The following ZNF710 variants were observed in gnomAD, a reference collection of about 807,000 sequenced individuals.
ZNF710 encodes the protein zinc finger protein 710.
ZNF710 carries 13 observed loss-of-function variants against 50.6 expected under a neutral mutation model. The ratio of observed to expected loss-of-function variants is 0.26; its 90% confidence interval spans 0.17 to 0.41. The LOEUF (loss-of-function observed/expected upper bound fraction) is 0.41, where lower values mean the gene tolerates loss of function less well. Ranked by LOEUF, ZNF710 falls within the 10% of genes least tolerant of loss-of-function variation. The pLI is 1.00. For synonymous variants in ZNF710, 383 were observed against 397.0 expected (o/e 0.96, Z 0.42); for missense variants, 721 against 936.6 (o/e 0.77, Z 3.01).
chr15:90,005,922 G>A (rs950713473), intron 1 of ZNF710, among the ~76,000 whole-genome samples: 1 of 152,142 alleles, frequency 6.6e-6, no homozygotes, highest in Non-Finnish European at 1.5e-5. Context: ...TTGTCCAAGG[G>A]CACAGAGCTG....
intron 1 of ZNF710, among the ~76,000 whole-genome samples, chr15:90,036,350 C>T (rs1016521442): frequency 1.3e-5 from 2 of 151,352 alleles, no homozygotes; most frequent in African/African-American, 4.9e-5. Context: ...TGGCGCTGTT[C>T]GATTTTAATG....
intron 1 of ZNF710, among the ~76,000 whole-genome samples, chr15:90,065,356 G>C (rs575308467): frequency 1.3e-5 from 2 of 152,338 alleles, no homozygotes; most frequent in South Asian, 4.1e-4. Flanking sequence ...AAGCAGGCGA[G>C]AGTCGCCCCA....
chr15:90,012,968 T>G (rs1480626762), intron 1 of ZNF710, among the ~76,000 whole-genome samples: 2 of 152,220 alleles, frequency 1.3e-5, no homozygotes, highest in Non-Finnish European at 2.9e-5. Flanking sequence ...TATTTTGTAT[T>G]CTGTATCCAA....
intron 1 of ZNF710, among the ~76,000 whole-genome samples, chr15:90,054,529 G>A (rs1899749900): frequency 6.6e-6 from 1 of 152,236 alleles, no homozygotes; most frequent in African/African-American, 2.4e-5. Flanking sequence ...TATCCTGCCT[G>A]CAGGGGACTG....
intron 1 of ZNF710, among the ~76,000 whole-genome samples, chr15:90,016,317 T>C (rs548043662): frequency 2.0e-5 from 3 of 152,186 alleles, no homozygotes; most frequent in Non-Finnish European, 4.4e-5. Flanking sequence ...AAACTGAAGC[T>C]CAGAAGTCTG....
In ZNF710 at chr15:90,062,080, T is replaced by C. The variant is rs1161981274; in HGVS notation, c.-28-5030T>C. Among the ~76,000 whole-genome samples, 1 of 151,796 alleles carries C rather than the reference T, an allele frequency of 6.6e-6. No individual in the cohort carries two copies. Among genetic ancestry groups the C allele is most frequent in the Non-Finnish European group, 1.5e-5 (1 of 67,906 alleles). On this transcript the variant is annotated intron_variant, in intron 1 of 4. Coordinates refer to ENST00000268154, the MANE Select transcript of ZNF710 (RefSeq NM_198526.4). This position sits in a 1 kb window ranked among gnomAD's most constrained non-coding sequence, Gnocchi z 5.6. ...CCTGGGAAATAGGGCAGTCCTGGGC[T>C]TCCGGTGTCACTGCACGCCCCTCCC...
chr15:90,062,859 G>A lies in ZNF710; in HGVS notation c.-28-4251G>A, dbSNP rs1352737532. On this transcript the variant is annotated intron_variant, in intron 1 of 4. Coordinates refer to ENST00000268154, the MANE Select transcript of ZNF710 (RefSeq NM_198526.4). The surrounding 1 kb of genome is among the most constrained non-coding windows in gnomAD (Gnocchi z 5.6). The stretch of plus-strand genomic sequence containing the variant: ...ACGCGCGCACGCGCACACACACACA[G>A]CCTGCCTGGCCGCCCCAGTGAACAA... 6.6e-6 allele frequency among the ~76,000 whole-genome samples: 1 copy of A among 152,138 alleles called. No homozygotes were observed. Among genetic ancestry groups the A allele is most frequent in the Admixed American group, 6.5e-5 (1 of 15,278 alleles).
chr15:90,050,098 T>A (rs376380179), intron 1 of ZNF710, among the ~76,000 whole-genome samples: 1 of 152,244 alleles, frequency 6.6e-6, no homozygotes, highest in Admixed American at 6.5e-5. Context: ...AGCTGATACG[T>A]TGCACCAGCT....
chr15:90,063,426 CTG>C lies in ZNF710; in HGVS notation c.-28-3682_-28-3681del, dbSNP rs568861931. Among the ~76,000 whole-genome samples the C allele has an allele frequency of 7.2e-5, 11 of 152,212 alleles. No homozygotes were observed. The South Asian group carries it at 2.1e-3, about 29-fold the overall frequency. ...GGCTGACTGGGGACCTCGTGAGTGT[CTG>C]TAATGAGAAGCTGTAGGTCTTCCGT... On this transcript the variant is annotated intron_variant, in intron 1 of 4. Coordinates refer to ENST00000268154, the MANE Select transcript of ZNF710 (RefSeq NM_198526.4).
upstream of ZNF710, among the ~76,000 whole-genome samples, chr15:89,998,862 TTA>T (rs1284474799): frequency 6.6e-6 from 1 of 152,204 alleles, no homozygotes; most frequent in Non-Finnish European, 1.5e-5. Flanking sequence ...TACCTGCATT[TTA>T]TATGTCCCGA....
At chr15:90,031,693 C>T (rs1396925886) in intron 1 of ZNF710, among the ~76,000 whole-genome samples, 1 of 152,140 alleles carries the variant, frequency 6.6e-6, no homozygotes, top group Non-Finnish European at 1.5e-5. Context: ...GCAGGGGCAT[C>T]TTCAGTGGCC....
chr15:90,051,405 G>A (rs1203450529), intron 1 of ZNF710, among the ~76,000 whole-genome samples: 2 of 152,036 alleles, frequency 1.3e-5, no homozygotes, highest in African/African-American at 4.8e-5. Flanking sequence ...AGGCTGAGGC[G>A]GGCGGATCGC....
chr15:90,023,735 C>T (rs1898690371), intron 1 of ZNF710, among the ~76,000 whole-genome samples: 1 of 152,114 alleles, frequency 6.6e-6, no homozygotes, highest in African/African-American at 2.4e-5. Flanking sequence ...TGGTGGCTCA[C>T]ACCTGTAATC....
At chr15:90,028,624 C>T (rs572532476) in intron 1 of ZNF710, among the ~76,000 whole-genome samples, 1 of 152,318 alleles carries the variant, frequency 6.6e-6, no homozygotes, top group East Asian at 1.9e-4. Flanking sequence ...CAAGTCCCTT[C>T]TGACACCATC....
intron 1 of ZNF710, among the ~76,000 whole-genome samples, chr15:90,013,782 T>C (rs34869110): frequency 0.12 from 17,556 of 152,100 alleles, 2,256 homozygotes; most frequent in African/African-American, 0.32. Context: ...TCATTTCAGG[T>C]CCAATTAAAA....
At chr15:90,070,024 A>G (rs996671112) in intron 2 of ZNF710, among the ~76,000 whole-genome samples, 1 of 152,128 alleles carries the variant, frequency 6.6e-6, no homozygotes, top group African/African-American at 2.4e-5. Flanking sequence ...CTCTCCCCAT[A>G]ACGGTGGCCT....
At chr15:90,047,100 A>C (rs989181243) in intron 1 of ZNF710, among the ~76,000 whole-genome samples, 2 of 152,182 alleles carry the variant, frequency 1.3e-5, no homozygotes, top group South Asian at 2.1e-4. Flanking sequence ...TAGAGATGAA[A>C]GAGGTTCTGG....
chr15:90,060,705 A>C (rs1308848298), intron 1 of ZNF710, among the ~76,000 whole-genome samples: 1 of 151,564 alleles, frequency 6.6e-6, no homozygotes, highest in Non-Finnish European at 1.5e-5. Flanking sequence ...AAATATAAAA[A>C]ATTAGCCGAG....
upstream of ZNF710, among the ~76,000 whole-genome samples, chr15:90,000,580 G>T (rs1897986430): frequency 6.6e-6 from 1 of 152,220 alleles, no homozygotes; most frequent in Admixed American, 6.5e-5. Flanking sequence ...CTCGGAGCCC[G>T]CGCCGCTCCC....
Sources: allele counts gnomAD v4.1 joint callset (sites outside exome capture counted in the v4.1 genomes callset), GRCh38; gene constraint gnomAD v4.1.1; non-coding constraint Gnocchi (gnomAD v3.1); transcripts MANE v1.5; gene names NCBI Gene and HGNC (gene_info 2026-07-23, HGNC 2026-07-21).